ERC1: variants seen among roughly 807,000 people sequenced by gnomAD.
ERC1 encodes RAB6 interacting protein 2.
A neutral mutation model predicts 132.0 loss-of-function variants in ERC1; 56 were observed. The observed-to-expected ratio is 0.42, with a 90% CI of 0.34 to 0.53. The LOEUF (loss-of-function observed/expected upper bound fraction) is 0.53. Ranked by LOEUF, ERC1 falls within the 20% of genes least tolerant of loss-of-function variation. ERC1 has a pLI of 0.03. For missense variants in ERC1, 1,202 were observed against 1,349.9 expected (o/e 0.89, Z 1.72); for synonymous variants, 478 against 476.1 (o/e 1.00, Z -0.05).
At chr12:1,307,097 T>G (rs2080941282) in intron 15 of ERC1, among the ~76,000 whole-genome samples, 1 of 152,210 alleles carries the variant, frequency 6.6e-6, no homozygotes, top group African/African-American at 2.4e-5. Flanking sequence ...AGATACCTGT[T>G]TTACTAAAGC....
At chr12:1,445,018 T>G (rs2093266163) in intron 18 of ERC1, 3 of 344,034 alleles carry the variant, frequency 8.7e-6, no homozygotes, top group African/African-American at 6.4e-5. Flanking sequence ...TGTTTTATTT[T>G]TTTAATTCAC....
intron 15 of ERC1, among the ~76,000 whole-genome samples, chr12:1,358,389 A>G (rs2085748878): frequency 6.6e-6 from 1 of 152,194 alleles, no homozygotes; most frequent in Admixed American, 6.5e-5. Flanking sequence ...CATTTTCACT[A>G]TGGAATTGAA....
At chr12:1,454,099 C>T (rs778196204) in intron 18 of ERC1, among the ~76,000 whole-genome samples, 15 of 152,020 alleles carry the variant, frequency 9.9e-5, no homozygotes, top group African/African-American at 2.2e-4. Flanking sequence ...GTTGATTGCC[C>T]GTGGCCAATG....
At chr12:1,253,028 A>G (rs2076562527) in intron 13 of ERC1, among the ~76,000 whole-genome samples, 2 of 152,200 alleles carry the variant, frequency 1.3e-5, no homozygotes, top group South Asian at 4.1e-4. Context: ...CTTTCAGAAC[A>G]GGTTAAAGTC....
At chr12:1,039,920 G>C (rs562249201) in intron 2 of ERC1, among the ~76,000 whole-genome samples, 3 of 152,268 alleles carry the variant, frequency 2.0e-5, no homozygotes, top group South Asian at 2.1e-4. Context: ...CATCCAGCTC[G>C]ATTTGTGTTT....
intron 7 of ERC1, among the ~76,000 whole-genome samples, chr12:1,132,843 A>G (rs1392276741): frequency 1.3e-5 from 2 of 150,962 alleles, no homozygotes; most frequent in Non-Finnish European, 2.9e-5. Context: ...CATACAGGAT[A>G]AAATAATGTG....
In ERC1 at chr12:1,418,722, C is replaced by CT. The variant is rs1208740922; in HGVS notation, c.3024+10480dup. Among the ~76,000 whole-genome samples, 8 of 75,404 alleles carry CT rather than the reference C, an allele frequency of 1.1e-4. No homozygotes were observed. In the East Asian group the frequency reaches 3.6e-3, roughly 34 times the overall value. The allele number at this position is 75,404 out of a possible 152,430, so 49.5% of individuals were successfully genotyped here. On this transcript the variant is annotated intron_variant, in intron 17 of 18. Coordinates refer to ENST00000360905, the MANE Select transcript of ERC1 (RefSeq NM_178040.4). ...TCTTTCTTTCTTTCTTTCTTTCTTTCTTTTTGGAGACAGGATCTCTCTCTC... is the reference window on the plus strand; with the variant it reads ...TCTTTCTTTCTTTCTTTCTTTCTTTCTTTTTTGGAGACAGGATCTCTCTCTC...
At chr12:1,205,430 G>T (rs987822025) in intron 12 of ERC1, among the ~76,000 whole-genome samples, 69 of 141,604 alleles carry the variant, frequency 4.9e-4, no homozygotes, top group Middle Eastern at 7.4e-3. Flanking sequence ...TATATATATA[G>T]ATATATATTT....
chr12:1,474,806 A>G (rs866559339), intron 18 of ERC1, among the ~76,000 whole-genome samples: 1 of 152,082 alleles, frequency 6.6e-6, no homozygotes, highest in Non-Finnish European at 1.5e-5. Flanking sequence ...ATGCTTGGAG[A>G]GCCTCATCTC....
At chr12:1,257,196 ACAGAGG>A (rs1426186317) in intron 13 of ERC1, 2 of 152,208 alleles carry the variant, frequency 1.3e-5, no homozygotes, top group Non-Finnish European at 2.9e-5. Context: ...GTGGAGAGGA[ACAGAGG>A]CCTCTTGCCA....
At chr12:1,360,616 A>T (rs1022501669) in intron 15 of ERC1, among the ~76,000 whole-genome samples, 1 of 152,240 alleles carries the variant, frequency 6.6e-6, no homozygotes, top group Non-Finnish European at 1.5e-5. Context: ...AAATATTTAA[A>T]TAATGCAATA....
chr12:1,403,017 T>C (rs2091204213), intron 16 of ERC1, among the ~76,000 whole-genome samples: 1 of 152,232 alleles, frequency 6.6e-6, no homozygotes, highest in South Asian at 2.1e-4. Flanking sequence ...GCTTATGTAT[T>C]CTTCTATGAA....
At chr12:1,156,772 T>C (rs575587269) in intron 8 of ERC1, among the ~76,000 whole-genome samples, 1 of 152,322 alleles carries the variant, frequency 6.6e-6, no homozygotes, top group South Asian at 2.1e-4. Context: ...TTAGTATTTA[T>C]TTAAAGTTGA....
chr12:1,008,681 A>C (rs1964153897), intron 1 of ERC1, among the ~76,000 whole-genome samples: 2 of 152,198 alleles, frequency 1.3e-5, no homozygotes, highest in African/African-American at 4.8e-5. Context: ...TCAAATGCTT[A>C]GTTTTATCAG....
intron 2 of ERC1, among the ~76,000 whole-genome samples, chr12:1,052,444 C>A (rs904456487): frequency 2.6e-5 from 4 of 151,830 alleles, no homozygotes; most frequent in Admixed American, 1.3e-4. Flanking sequence ...GATAATAAAC[C>A]GCTGTGTTTT....
rs1166576018 is a variant in ERC1, at chr12:1,028,255, G to T, written c.352G>T (p.Val118Phe). ...TAGCCCCAATATAGCTAGCAGTGGGGTTGCTAGTGACACCATAGCATTTGG... is the reference window on the plus strand; with the variant it reads ...TAGCCCCAATATAGCTAGCAGTGGGTTTGCTAGTGACACCATAGCATTTGG... ...GSSPNIASSG[V>F]ASDTIAFGEH... The change falls in exon 2 of 19, where the codon GTT becomes TTT. Residue 118 changes from valine (V) to phenylalanine (F), a missense_variant. Transcript: ENST00000360905. 1.2e-6 allele frequency: 2 copies of T among 1,613,962 alleles called. No individual in the cohort carries two copies. The highest frequency in any genetic ancestry group is 1.7e-6 in the Non-Finnish European group (2 of 1,180,000).
chr12:1,460,997 A>T (rs1467792150), intron 18 of ERC1, among the ~76,000 whole-genome samples: 2 of 85,808 alleles, frequency 2.3e-5, no homozygotes, highest in Non-Finnish European at 4.1e-5. Context: ...TTCTAGTTCC[A>T]CTTAGGATAG....
intron 15 of ERC1, among the ~76,000 whole-genome samples, chr12:1,330,052 C>T (rs2082748688): frequency 3.3e-5 from 5 of 152,202 alleles, no homozygotes; most frequent in African/African-American, 1.2e-4. Context: ...AAGCAGTATC[C>T]TTTGTTTTAT....
intron 13 of ERC1, among the ~76,000 whole-genome samples, chr12:1,238,652 A>T (rs1031613526): frequency 7.9e-5 from 12 of 152,136 alleles, no homozygotes; most frequent in Admixed American, 2.0e-4. Flanking sequence ...TTTTATGATA[A>T]GGCAAGCCTC....
Sources: allele counts gnomAD v4.1 joint callset (sites outside exome capture counted in the v4.1 genomes callset), GRCh38; gene constraint gnomAD v4.1.1; transcripts MANE v1.5; gene names NCBI Gene and HGNC (gene_info 2026-07-23, HGNC 2026-07-21).